Variants in C3orf52 observed in about 807,000 individuals in gnomAD.
C3orf52 encodes chromosome 3 open reading frame 52, also known as TPA-induced transmembrane protein.
In C3orf52, 22 loss-of-function variants were observed where a neutral mutation model predicts 24.8. The observed-to-expected ratio is 0.89, with a 90% CI of 0.63 to 1.27. The LOEUF (loss-of-function observed/expected upper bound fraction) is 1.27, where lower values mean the gene tolerates loss of function less well. Ranked by LOEUF, C3orf52 falls within the 50% of genes most tolerant of loss-of-function variation. The probability of loss-of-function intolerance (pLI) is 0.00; values close to 1 mark genes in which losing one functional copy is unlikely to be tolerated. For missense variants in C3orf52, 265 were observed against 260.7 expected (o/e 1.02, Z -0.11); for synonymous variants, 93 against 100.2 (o/e 0.93, Z 0.43).
chr3:112,107,230 A>AGGG (rs1374159817), intron 3 of C3orf52, among the ~76,000 whole-genome samples: 30 of 152,106 alleles, frequency 2.0e-4, no homozygotes, highest in African/African-American at 7.0e-4. Flanking sequence ...GGGAAGGAGG[A>AGGG]AGCAGAGAAG....
chr3:112,136,222 T>C, the C3orf52 span, among the ~76,000 whole-genome samples: 2 of 152,254 alleles, frequency 1.3e-5, no homozygotes, highest in African/African-American at 2.4e-5. Flanking sequence ...ATACTAGTCA[T>C]TGTTTGTCTT....
chr3:112,115,610 C>T (rs1237353259), intron 5 of C3orf52, among the ~76,000 whole-genome samples: 2 of 152,198 alleles, frequency 1.3e-5, no homozygotes, highest in Non-Finnish European at 2.9e-5. Context: ...CTACTTCTCC[C>T]CACAACACAA....
At chr3:112,110,530 A>C (rs367815758) in intron 4 of C3orf52, among the ~76,000 whole-genome samples, 1 of 152,120 alleles carries the variant, frequency 6.6e-6, no homozygotes, top group Non-Finnish European at 1.5e-5. Context: ...TACTACACAC[A>C]CATAGGATAT....
At chr3:112,123,244 C>T (rs2074233508) in intron 4 of C3orf52, 5 of 882,162 alleles carry the variant, frequency 5.7e-6, no homozygotes, top group Non-Finnish European at 8.3e-6. Context: ...ACCTCTTTCT[C>T]AAATGGTGTT....
intron 2 of C3orf52, among the ~76,000 whole-genome samples, chr3:112,101,759 C>T (rs1160097804): frequency 5.3e-5 from 8 of 152,172 alleles, no homozygotes; most frequent in African/African-American, 9.7e-5. Context: ...ATTTATTCCA[C>T]TATGGTCTTA....
downstream of C3orf52, chr3:112,132,994 A>T (rs2074494587): frequency 8.0e-7 from 1 of 1,243,444 alleles, no homozygotes; most frequent in African/African-American, 1.5e-5. Context: ...TTCTACCCCA[A>T]CTTAGTGTGC....
At chr3:112,131,958 A>G (rs2074464442), downstream of C3orf52, among the ~76,000 whole-genome samples, 1 of 152,204 alleles carries the variant, frequency 6.6e-6, no homozygotes, top group Admixed American at 6.5e-5. Flanking sequence ...ATTTTAAAGT[A>G]AAAAAATTTT....
downstream of C3orf52, among the ~76,000 whole-genome samples, chr3:112,119,027 T>G (rs140538199): frequency 5.0e-3 from 763 of 152,266 alleles, 7 homozygotes; most frequent in African/African-American, 0.017. Context: ...GTTAGTCTTA[T>G]TAAGGAGTCA....
At chr3:112,101,075 T>C (rs1310785105) in intron 2 of C3orf52, among the ~76,000 whole-genome samples, 2 of 152,168 alleles carry the variant, frequency 1.3e-5, no homozygotes, top group East Asian at 1.9e-4. Context: ...TTTTAAATCA[T>C]ACAACATAAT....
downstream of C3orf52, chr3:112,132,729 G>A: frequency 1.3e-5 from 12 of 922,460 alleles, no homozygotes; most frequent in Non-Finnish European, 1.6e-5. Flanking sequence ...AAAGAGGGTG[G>A]TGATTTTGAC....
intron 1 of C3orf52, 150 bp downstream of exon 1, chr3:112,086,695 G>A (rs1453932173): frequency 9.7e-7 from 1 of 1,034,700 alleles, no homozygotes; most frequent in African/African-American, 1.6e-5. Flanking sequence ...TCTGAATGGA[G>A]CCGAGTCACC....
chr3:112,123,499 G>T, intron 4 of C3orf52: 2 of 1,614,170 alleles, frequency 1.2e-6, no homozygotes, highest in Non-Finnish European at 8.5e-7. Context: ...ATAAGTGGAC[G>T]TGGCTGTTGC....
intron 4 of C3orf52, among the ~76,000 whole-genome samples, chr3:112,123,978 G>A (rs575228168): frequency 1.5e-4 from 23 of 152,032 alleles, no homozygotes; most frequent in Admixed American, 1.4e-3. Flanking sequence ...AGCCTGCTCA[G>A]GTGCATCCTC....
intron 3 of C3orf52, among the ~76,000 whole-genome samples, chr3:112,103,204 C>T (rs1175890781): frequency 6.6e-6 from 1 of 151,944 alleles, no homozygotes; most frequent in Non-Finnish European, 1.5e-5. Context: ...ACACTGGGGC[C>T]TACTTAAGGG....
At chr3:112,091,234 T>C (rs1030027720) in intron 1 of C3orf52, among the ~76,000 whole-genome samples, 2 of 152,200 alleles carry the variant, frequency 1.3e-5, no homozygotes, top group Non-Finnish European at 2.9e-5. Flanking sequence ...AATCGTTAAA[T>C]GTATATTACT....
chr3:112,120,616 T>TA (rs1050207448), downstream of C3orf52, among the ~76,000 whole-genome samples: 1 of 152,162 alleles, frequency 6.6e-6, no homozygotes, highest in Non-Finnish European at 1.5e-5. Context: ...GTTTTCTGGT[T>TA]ATATTTGTGG....
At chr3:112,093,584 T>G in intron 2 of C3orf52, 95 bp downstream of exon 2, 1 of 1,182,312 alleles carries the variant, frequency 8.5e-7, no homozygotes, top group Non-Finnish European at 1.2e-6. Context: ...CATAGCCATT[T>G]CATTATTTAT....
downstream of C3orf52, chr3:112,128,958 G>A (rs918801557): frequency 1.3e-5 from 2 of 152,260 alleles, no homozygotes; most frequent in African/African-American, 4.8e-5. Flanking sequence ...GCTTTCCCAT[G>A]AAGTTTCATC....
At chr3:112,110,939 G>A (rs1243219134) in intron 4 of C3orf52, among the ~76,000 whole-genome samples, 1 of 152,192 alleles carries the variant, frequency 6.6e-6, no homozygotes, top group Admixed American at 6.5e-5. Context: ...GGCTGGGCAT[G>A]GTGGCTTACA....
Sources: gnomAD v4.1 joint callset for allele counts (sites outside exome capture counted in the v4.1 genomes callset) on GRCh38, gnomAD v4.1.1 for gene constraint, MANE v1.5 for transcripts, NCBI Gene and HGNC (gene_info 2026-07-23, HGNC 2026-07-21) for gene names.